Variants in LRBA observed in about 807,000 individuals in gnomAD.
The protein encoded by LRBA is lipopolysaccharide-responsive and beige-like anchor protein.
A neutral mutation model predicts 330.0 loss-of-function variants in LRBA; 176 were observed. The ratio of observed to expected loss-of-function variants is 0.53; its 90% CI spans 0.47 to 0.60. The LOEUF (loss-of-function observed/expected upper bound fraction) is 0.60. Among genes scored for constraint, LRBA ranks in the 20% least tolerant of loss-of-function variants. The pLI, the probability that LRBA is intolerant of heterozygous loss-of-function variation, is 0.00. For synonymous variants in LRBA, 1,230 were observed against 1,193.0 expected, an observed-to-expected ratio of 1.03 and a Z score of -0.64; for missense variants, 3,259 against 3,444.8, an observed-to-expected ratio of 0.95 and a Z score of 1.35.
intron 40 of LRBA, among the ~76,000 whole-genome samples, chr4:150,503,751 T>C (rs916707126): frequency 6.6e-6 from 1 of 152,254 alleles, no homozygotes. Flanking sequence ...AGAATGACTT[T>C]GACGAGTTGA....
At chr4:150,806,544 T>C (rs1742819165) in intron 32 of LRBA, 140 bp from the exon 33 acceptor site, 1 of 387,072 alleles carries the variant, frequency 2.6e-6, no homozygotes, top group Non-Finnish European at 4.2e-6. Context: ...ATTACTGCTA[T>C]GCATAGCAGT....
At chr4:150,734,267 T>A (rs1159447134) in intron 36 of LRBA, among the ~76,000 whole-genome samples, 1 of 152,098 alleles carries the variant, frequency 6.6e-6, no homozygotes, top group Non-Finnish European at 1.5e-5. Context: ...CAGGTAGATA[T>A]CCTAAAGTAA....
At chr4:150,407,317 T>C (rs148018454) in intron 47 of LRBA, among the ~76,000 whole-genome samples, 22 of 152,346 alleles carry the variant, frequency 1.4e-4, no homozygotes, top group Non-Finnish European at 1.9e-4. Flanking sequence ...ACCAAGTGTT[T>C]GCAGTAATTT....
In LRBA at chr4:150,897,905, T is replaced by G. The variant is rs1036417196; in HGVS notation, c.1925-87A>C. On this transcript the variant is annotated intron_variant, in intron 14 of 56. Coordinates refer to ENST00000651943, the MANE Select transcript of LRBA (RefSeq NM_001364905.1). ...TAAAATTCTCATTCCCAACAGCTTTTCCATGTGTTTGTAAGAAATATAAAG... is the reference window on the plus strand; with the variant it reads ...TAAAATTCTCATTCCCAACAGCTTTGCCATGTGTTTGTAAGAAATATAAAG... 9 of 852,648 alleles carry G rather than the reference T, an allele frequency of 1.1e-5. No individual in the cohort carries two copies. The Admixed American group carries it at 1.5e-4, about 14-fold the overall frequency. 52.8% of individuals were successfully genotyped at this position (852,648 alleles called of 1,614,324 possible).
intron 37 of LRBA, among the ~76,000 whole-genome samples, chr4:150,622,581 C>T (rs895244157): frequency 6.6e-6 from 1 of 151,952 alleles, no homozygotes; most frequent in African/African-American, 2.4e-5. Context: ...AAGGTAAAAT[C>T]CCAGACACAT....
intron 53 of LRBA, among the ~76,000 whole-genome samples, chr4:150,294,382 T>C (rs1417308382): frequency 6.6e-6 from 1 of 152,228 alleles, no homozygotes; most frequent in African/African-American, 2.4e-5. Flanking sequence ...AACTCTGACC[T>C]AGACTGCCTG....
chr4:150,275,981 C>T (rs954455686), intron 56 of LRBA, among the ~76,000 whole-genome samples: 4 of 152,152 alleles, frequency 2.6e-5, no homozygotes, highest in Admixed American at 6.5e-5. Flanking sequence ...CCAAGACAAT[C>T]CTAAGCAAAA....
intron 2 of LRBA, among the ~76,000 whole-genome samples, chr4:150,983,232 G>A (rs975886555): frequency 3.3e-5 from 5 of 151,982 alleles, no homozygotes; most frequent in African/African-American, 7.3e-5. Context: ...TGAGGCAAGC[G>A]GAACACTTGA....
chr4:150,915,703 T>C lies in LRBA; in HGVS notation c.919A>G (p.Ile307Val), dbSNP rs1311498124. Residue 307 changes from isoleucine to valine, a missense_variant, in exon 8 of 57, where the codon ATC becomes GTC. Coordinates refer to ENST00000651943, the MANE Select transcript of LRBA (RefSeq NM_001364905.1). ...TCACTATTCTTCCATCGGTTATAGA[T>C]GTGTACTATGGTAACCATATACCAC... Reference protein sequence around the residue: ...QKWYMVTIVHIYNRWKNSELR... With the variant: ...QKWYMVTIVHVYNRWKNSELR... 3 of 1,612,152 alleles carry C rather than the reference T, an allele frequency of 1.9e-6. No individual in the cohort carries two copies. The highest frequency in any genetic ancestry group is 1.3e-5 in the African/African-American group (1 of 74,868).
chr4:150,873,560 A>T (rs1247271778), intron 17 of LRBA, among the ~76,000 whole-genome samples: 1 of 152,046 alleles, frequency 6.6e-6, no homozygotes, highest in Non-Finnish European at 1.5e-5. Context: ...ACTGCACTCC[A>T]GCCTGAGCAA....
intron 40 of LRBA, among the ~76,000 whole-genome samples, chr4:150,572,829 C>T (rs1329067274): frequency 2.0e-5 from 3 of 152,114 alleles, no homozygotes; most frequent in Admixed American, 1.3e-4. Context: ...TTGATAATGA[C>T]ATACCTGCCT....
chr4:150,721,065 A>G, intron 36 of LRBA: 1 of 567,940 alleles, frequency 1.8e-6, no homozygotes. Context: ...TCCAGTTAAT[A>G]GGAATTATGA....
At chr4:150,498,993 G>A (rs1759916498) in intron 40 of LRBA, among the ~76,000 whole-genome samples, 1 of 151,996 alleles carries the variant, frequency 6.6e-6, no homozygotes, top group African/African-American at 2.4e-5. Context: ...TATTTTATAA[G>A]GAAAGTCAAG....
intron 53 of LRBA, among the ~76,000 whole-genome samples, chr4:150,288,636 T>G (rs558684062): frequency 6.6e-6 from 1 of 152,174 alleles, no homozygotes; most frequent in East Asian, 1.9e-4. Context: ...CCCTGATTCT[T>G]GGTTTTCCTT....
At chr4:150,936,926 C>T (rs1487309701) in intron 2 of LRBA, among the ~76,000 whole-genome samples, 1 of 151,954 alleles carries the variant, frequency 6.6e-6, no homozygotes, top group African/African-American at 2.4e-5. Context: ...GGTCAAAAAC[C>T]TCGTTACAAC....
At chr4:150,421,827 T>C (rs1748842325) in intron 46 of LRBA, among the ~76,000 whole-genome samples, 2 of 152,148 alleles carry the variant, frequency 1.3e-5, no homozygotes, top group Non-Finnish European at 2.9e-5. Flanking sequence ...GGCAGGAGGC[T>C]GAATCCAAGC....
Position 150,776,640 on chromosome 4 carries a change from C to T in LRBA, c.5581-14793G>A, listed in dbSNP as rs576879523. Among the ~76,000 whole-genome samples the T allele has an allele frequency of 2.0e-5, 3 of 152,088 alleles. No homozygotes were observed. The East Asian group carries it at 5.8e-4, about 30-fold the overall frequency. ...ACCAGCCTGGCAACATGGTGAAACC[C>T]CATCTCTACTGAAAATACAAAAATT... On this transcript the variant is annotated intron_variant, in intron 34 of 56. Transcript: ENST00000651943.
intron 40 of LRBA, chr4:150,579,214 T>G (rs897010147): frequency 1.1e-5 from 5 of 456,588 alleles, no homozygotes; most frequent in African/African-American, 2.0e-5. Context: ...ACTTCTATAC[T>G]AACATACATA....
upstream of LRBA, chr4:151,015,475 G>A (rs1745316595): frequency 6.5e-6 from 1 of 152,972 alleles, no homozygotes; most frequent in Non-Finnish European, 1.5e-5. Flanking sequence ...CAGTGCACCT[G>A]GTCGCAGCCT....
Sources: allele counts gnomAD v4.1 joint callset (sites outside exome capture counted in the v4.1 genomes callset), GRCh38; gene constraint gnomAD v4.1.1; transcripts MANE v1.5; gene names NCBI Gene and HGNC (gene_info 2026-07-23, HGNC 2026-07-21).